The following C1orf21 variants were observed in gnomAD, a reference collection of about 807,000 sequenced individuals.
C1orf21 encodes the protein chromosome 1 open reading frame 21, also known as uncharacterized protein C1orf21.
A neutral mutation model predicts 18.7 loss-of-function variants in C1orf21; 3 were observed. The observed-to-expected ratio is 0.16, with a 90% CI of 0.07 to 0.42. C1orf21 has a LOEUF of 0.42. Among genes scored for constraint, C1orf21 ranks in the 10% least tolerant of loss-of-function variants. C1orf21 has a pLI of 0.99. For synonymous variants in C1orf21, 41 were observed against 46.4 expected, an observed-to-expected ratio of 0.88 and a Z score of 0.47; for missense variants, 104 against 143.6, an observed-to-expected ratio of 0.72 and a Z score of 1.41.
intron 1 of C1orf21, among the ~76,000 whole-genome samples, chr1:184,394,019 G>A (rs911052583): frequency 2.4e-4 from 37 of 152,114 alleles, no homozygotes; most frequent in African/African-American, 8.2e-4. Context: ...CTATAAGTTT[G>A]TAGCCTATAT....
chr1:184,414,921 G>C (rs145965410), intron 1 of C1orf21, among the ~76,000 whole-genome samples: 159 of 152,210 alleles, frequency 1.0e-3, no homozygotes, highest in African/African-American at 3.8e-3. Context: ...AGCCACCTTT[G>C]CTTTCATGAT....
chr1:184,483,838 C>T (rs185767174), intron 2 of C1orf21, among the ~76,000 whole-genome samples: 15 of 147,704 alleles, frequency 1.0e-4, no homozygotes, highest in African/African-American at 3.7e-4. Flanking sequence ...CAATAAATCC[C>T]AAATCCTTAG....
At chr1:184,502,427 T>G (rs532099754) in intron 2 of C1orf21, among the ~76,000 whole-genome samples, 2 of 152,266 alleles carry the variant, frequency 1.3e-5, no homozygotes, top group African/African-American at 4.8e-5. Flanking sequence ...AACATGAATT[T>G]TGGAGGGAAC....
At chr1:184,390,208 T>C (rs993097784) in intron 1 of C1orf21, among the ~76,000 whole-genome samples, 4 of 152,240 alleles carry the variant, frequency 2.6e-5, no homozygotes, top group African/African-American at 9.6e-5. Context: ...TCTCTCCTGA[T>C]GTTTAGCTGG....
intron 1 of C1orf21, among the ~76,000 whole-genome samples, chr1:184,396,075 T>C (rs1656046187): frequency 6.6e-6 from 1 of 152,124 alleles, no homozygotes; most frequent in South Asian, 2.1e-4. Flanking sequence ...TGGAGCCATG[T>C]GGTTATGGAT....
chr1:184,569,013 T>C (rs767559759), intron 3 of C1orf21, among the ~76,000 whole-genome samples: 2 of 152,214 alleles, frequency 1.3e-5, no homozygotes, highest in African/African-American at 2.4e-5. Context: ...TTTTATTAAG[T>C]TGAAGCATTT....
At chr1:184,584,987 T>C (rs975172463) in intron 3 of C1orf21, among the ~76,000 whole-genome samples, 1 of 152,204 alleles carries the variant, frequency 6.6e-6, no homozygotes, top group Non-Finnish European at 1.5e-5. Context: ...AACTGGATTG[T>C]CGTGATGACT....
intron 5 of C1orf21, 86 bp downstream of exon 5, chr1:184,598,547 A>G (rs1659547499): frequency 3.1e-6 from 4 of 1,281,042 alleles, no homozygotes; most frequent in African/African-American, 1.5e-5. Context: ...TCTTGTTTCT[A>G]TGTCATAAAG....
At chr1:184,394,290 A>G (rs1173349776) in intron 1 of C1orf21, among the ~76,000 whole-genome samples, 1 of 152,214 alleles carries the variant, frequency 6.6e-6, no homozygotes, top group African/African-American at 2.4e-5. Context: ...TTTGAGTGTC[A>G]TGGATACTGC....
rs1298035349 is a variant in C1orf21, at chr1:184,626,781, G to A, written c.*7225G>A. On this transcript the variant is annotated 3_prime_UTR_variant, in exon 6 of 6. Transcript: ENST00000235307. ...ATTTGAATTCAAGGACTTTAACCTGGGCCGGATCTGGTTTGGAGACAAAGG... is the reference window on the plus strand; with the variant it reads ...ATTTGAATTCAAGGACTTTAACCTGAGCCGGATCTGGTTTGGAGACAAAGG... 3 of 152,406 alleles carry A rather than the reference G, an allele frequency of 2.0e-5. No homozygotes were observed. The allele number at this position is 152,406 out of a possible 1,614,324, so 9.4% of individuals were successfully genotyped here. A position where few individuals can be genotyped will look rare whatever the true frequency, so the allele number is the denominator to read the frequency against.
intron 2 of C1orf21, among the ~76,000 whole-genome samples, chr1:184,503,129 A>C (rs970572897): frequency 6.6e-6 from 1 of 151,406 alleles, no homozygotes; most frequent in Non-Finnish European, 1.5e-5. Flanking sequence ...TTATTTTGAA[A>C]TGTTTGCCTC....
intron 1 of C1orf21, among the ~76,000 whole-genome samples, chr1:184,468,840 A>G (rs1657447014): frequency 6.6e-6 from 1 of 151,938 alleles, no homozygotes; most frequent in African/African-American, 2.4e-5. Context: ...AATTGCTTGA[A>G]CTCAGGAGGC....
At chr1:184,605,902 T>A (rs2102005636) in intron 5 of C1orf21, among the ~76,000 whole-genome samples, 1 of 152,260 alleles carries the variant, frequency 6.6e-6, no homozygotes, top group Non-Finnish European at 1.5e-5. Context: ...CAGGAAGGAT[T>A]TGGGATGGGC....
intron 3 of C1orf21, among the ~76,000 whole-genome samples, chr1:184,526,907 G>A (rs901978953): frequency 2.0e-5 from 3 of 152,046 alleles, no homozygotes; most frequent in Non-Finnish European, 2.9e-5. Flanking sequence ...CCGCAGTCCC[G>A]TCCTTAAGGG....
intron 3 of C1orf21, among the ~76,000 whole-genome samples, chr1:184,527,127 G>A (rs943394203): frequency 6.6e-6 from 1 of 152,188 alleles, no homozygotes; most frequent in African/African-American, 2.4e-5. Flanking sequence ...ACAGTATCGA[G>A]AAATACCATG....
chr1:184,515,772 G>T (rs893456224), intron 3 of C1orf21, among the ~76,000 whole-genome samples: 3 of 151,968 alleles, frequency 2.0e-5, no homozygotes, highest in Admixed American at 1.3e-4. Flanking sequence ...TTATTTGTTT[G>T]TTTGTTTGCT....
intron 3 of C1orf21, chr1:184,545,813 C>T (rs1052776327): frequency 6.6e-6 from 1 of 152,154 alleles, no homozygotes; most frequent in African/African-American, 2.4e-5. Flanking sequence ...CTTAGGTTCC[C>T]TCCCAGCTTG....
intron 1 of C1orf21, among the ~76,000 whole-genome samples, chr1:184,432,362 CT>C (rs1047072393): frequency 1.3e-4 from 20 of 152,150 alleles, no homozygotes; most frequent in African/African-American, 4.3e-4. Flanking sequence ...AGTTCATGTC[CT>C]TTGCAGGGAC....
intron 1 of C1orf21, among the ~76,000 whole-genome samples, chr1:184,406,842 T>C (rs1884201): frequency 0.27 from 41,122 of 152,060 alleles, 8,049 homozygotes; most frequent in African/African-American, 0.56. Context: ...TCACCCAGGC[T>C]GGAGTATAGT....
Sources: allele counts gnomAD v4.1 joint callset (sites outside exome capture counted in the v4.1 genomes callset), GRCh38; gene constraint gnomAD v4.1.1; transcripts MANE v1.5; gene names NCBI Gene and HGNC (gene_info 2026-07-23, HGNC 2026-07-21).